KAT6A: variants seen among roughly 807,000 people sequenced by gnomAD.
KAT6A encodes histone acetyltransferase KAT6A.
Under a neutral mutation model 198.4 loss-of-function variants are expected in KAT6A, and 9 were observed. The observed-to-expected ratio is 0.05, with a 90% CI of 0.03 to 0.08. KAT6A has a LOEUF of 0.08. Among genes scored for constraint, KAT6A ranks in the 10% least tolerant of loss-of-function variants. KAT6A has a pLI of 1.00. For synonymous variants in KAT6A, 890 were observed against 883.0 expected, an observed-to-expected ratio of 1.01 and a Z score of -0.14; for missense variants, 2,077 against 2,509.9, an observed-to-expected ratio of 0.83 and a Z score of 3.69.
intron 2 of KAT6A, among the ~76,000 whole-genome samples, chr8:42,006,761 C>T (rs1458626004): frequency 2.0e-5 from 3 of 151,890 alleles, no homozygotes; most frequent in Non-Finnish European, 4.4e-5. Flanking sequence ...TTTAGGAGGC[C>T]GAGGTGGGCG....
At chr8:41,958,562 A>G (rs1473602165) in intron 8 of KAT6A, among the ~76,000 whole-genome samples, 1 of 152,218 alleles carries the variant, frequency 6.6e-6, no homozygotes, top group East Asian at 1.9e-4. Flanking sequence ...AAAGAAATGA[A>G]GCTACAAGTC....
chr8:41,931,208 T>G lies in KAT6A; in HGVS notation c.*997A>C, dbSNP rs753418552. The G allele has an allele frequency of 9.0e-6, 2 of 222,988 alleles. No individual in the cohort carries two copies. Among genetic ancestry groups the G allele is most frequent in the Non-Finnish European group, 1.8e-5 (2 of 111,468 alleles). 13.8% of individuals were successfully genotyped at this position (222,988 alleles called of 1,614,324 possible). ...TATTTGAGTTTTATCAGTCAAAGGCTCAAGCATCAAGACCCTCAGTTAGCA... is the reference window on the plus strand; with the variant it reads ...TATTTGAGTTTTATCAGTCAAAGGCGCAAGCATCAAGACCCTCAGTTAGCA... On this transcript the variant is annotated 3_prime_UTR_variant, in exon 17 of 17. Coordinates refer to ENST00000265713, the MANE Select transcript of KAT6A (RefSeq NM_006766.5).
At chr8:41,954,626 T>C (rs528694049) in intron 9 of KAT6A, among the ~76,000 whole-genome samples, 1 of 152,334 alleles carries the variant, frequency 6.6e-6, no homozygotes, top group South Asian at 2.1e-4. Flanking sequence ...GTGATTTACA[T>C]GTTGTAGCTC....
intron 2 of KAT6A, among the ~76,000 whole-genome samples, chr8:41,987,877 A>G (rs1824703866): frequency 6.6e-6 from 1 of 152,246 alleles, no homozygotes; most frequent in Admixed American, 6.5e-5. Context: ...TTCAACTGGA[A>G]TAAGTTCAAG....
chr8:41,931,382 GC>G lies in KAT6A; in HGVS notation c.*822del, dbSNP rs1356848686. The G allele has an allele frequency of 1.4e-5, 3 of 213,906 alleles. No homozygotes were observed. The highest frequency in any genetic ancestry group is 6.8e-5 in the African/African-American group (3 of 44,148). The allele number at this position is 213,906 out of a possible 1,614,324, so 13.3% of individuals were successfully genotyped here. On this transcript the variant is annotated 3_prime_UTR_variant, in exon 17 of 17. Transcript: ENST00000265713. ...TTCCTCCAAAGGCTGGATTTGGATT[GC>G]AAACAGCTTTTCTCTGAGATTCTGC... is the stretch of plus-strand genomic sequence containing the variant.
At chr8:41,982,179 A>T (rs1161103997) in intron 3 of KAT6A, among the ~76,000 whole-genome samples, 1 of 152,122 alleles carries the variant, frequency 6.6e-6, no homozygotes, top group Non-Finnish European at 1.5e-5. Context: ...CCACAATTTG[A>T]TTATTAAAAA....
chr8:41,983,977 G>C (rs1564041481), intron 3 of KAT6A, among the ~76,000 whole-genome samples: 2 of 152,188 alleles, frequency 1.3e-5, no homozygotes, highest in African/African-American at 4.8e-5. Context: ...ATGTAAACAT[G>C]TTCTTTATAC....
intron 2 of KAT6A, among the ~76,000 whole-genome samples, chr8:42,025,496 G>A (rs1826768211): frequency 6.6e-6 from 1 of 152,174 alleles, no homozygotes; most frequent in Non-Finnish European, 1.5e-5. Context: ...TTACAGGTGT[G>A]AGCCACTGCA....
chr8:42,047,330 T>C (rs1015087384), intron 2 of KAT6A, among the ~76,000 whole-genome samples: 3 of 152,230 alleles, frequency 2.0e-5, no homozygotes, highest in Non-Finnish European at 2.9e-5. Flanking sequence ...TAAGAAGTCA[T>C]AATTTCAACT....
intron 2 of KAT6A, among the ~76,000 whole-genome samples, chr8:42,021,263 G>T (rs764399302): frequency 3.9e-5 from 6 of 152,142 alleles, no homozygotes; most frequent in Admixed American, 1.3e-4. Flanking sequence ...ATTTCAAATG[G>T]TCTTAAAATG....
chr8:42,017,207 G>A (rs567099603), intron 2 of KAT6A, among the ~76,000 whole-genome samples: 5 of 152,136 alleles, frequency 3.3e-5, no homozygotes, highest in South Asian at 4.1e-4. Context: ...TGAATCCCCC[G>A]CACGTTGTCA....
chr8:41,973,956 C>G (rs937832528), intron 8 of KAT6A, among the ~76,000 whole-genome samples: 1 of 152,186 alleles, frequency 6.6e-6, no homozygotes, highest in African/African-American at 2.4e-5. Flanking sequence ...AATGACATTA[C>G]TTATTCACAA....
chr8:41,984,982 A>C (rs1824535714), intron 3 of KAT6A, among the ~76,000 whole-genome samples: 1 of 146,172 alleles, frequency 6.8e-6, no homozygotes, highest in Admixed American at 6.8e-5. Flanking sequence ...GACTGTCTCA[A>C]AAAAAAAAAA....
intron 2 of KAT6A, among the ~76,000 whole-genome samples, chr8:42,014,506 A>G (rs2150910772): frequency 6.6e-6 from 1 of 152,354 alleles, no homozygotes; most frequent in Non-Finnish European, 1.5e-5. Flanking sequence ...CTTTTAAAAC[A>G]CACACGCAGA....
rs1821583333 is a variant in KAT6A at position 41,932,235 on chromosome 8, C to G, written c.5985G>C (p.Gln1995His). Residue 1995 changes from glutamine (Q) to histidine (H), a missense_variant, in exon 17 of 17, where the codon CAG becomes CAC. Around this residue, in one of 13 missense-constraint regions of KAT6A, gnomAD observed 500 missense variants for 577.2 expected, o/e 0.87. Transcript: ENST00000265713. ...TTCTCATGTAAGGTCCGTTGAGTGA[C>G]TGCTTGGGCACGCCAGCAGCGTTCA... Reference protein sequence around the residue: ...SYMNAAGVPKQSLNGPYMRR With the variant: ...SYMNAAGVPKHSLNGPYMRR 1.2e-6 allele frequency: 2 copies of G among 1,609,712 alleles called. No homozygotes were observed. Among genetic ancestry groups the G allele is most frequent in the Admixed American group, 3.4e-5 (2 of 59,406 alleles).
At chr8:42,039,892 C>G (rs1430123917) in intron 2 of KAT6A, among the ~76,000 whole-genome samples, 5 of 141,812 alleles carry the variant, frequency 3.5e-5, no homozygotes, top group Non-Finnish European at 7.5e-5. Flanking sequence ...CACCACAATG[C>G]CTGGCTAATA....
Position 41,933,972 on chromosome 8 carries a change from A to G in KAT6A, c.4248T>C (p.Pro1416=). The G allele has an allele frequency of 6.2e-7, 1 of 1,613,950 alleles. No individual in the cohort carries two copies. Among genetic ancestry groups the G allele is most frequent in the Non-Finnish European group, 8.5e-7 (1 of 1,180,008 alleles). The part of the protein sequence containing the change: ...LIELKEEEEI[P]HSELDLETVQ... ...CAGTTTCCAGATCCAGCTCACTATG[A>G]GGAATCTCTTCCTCCTCTTTTAATT... The change falls in exon 17 of 17, where the codon CCT becomes CCC. Residue 1416 remains proline (P), a synonymous_variant. Coordinates refer to ENST00000265713, the MANE Select transcript of KAT6A (RefSeq NM_006766.5). The surrounding 1 kb of genome is among the most constrained non-coding windows in gnomAD (Gnocchi z 6.2).
intron 2 of KAT6A, among the ~76,000 whole-genome samples, chr8:42,019,636 G>T (rs1329222782): frequency 6.6e-6 from 1 of 152,176 alleles, no homozygotes; most frequent in Non-Finnish European, 1.5e-5. Context: ...AAACTCCAGA[G>T]CCCAAATTAT....
chr8:42,017,123 A>G (rs900963583), intron 2 of KAT6A, among the ~76,000 whole-genome samples: 58 of 152,326 alleles, frequency 3.8e-4, no homozygotes, highest in African/African-American at 1.4e-3. Context: ...GACTCATCTG[A>G]GGACAGATTA....
Sources: gnomAD v4.1 joint callset for allele counts (sites outside exome capture counted in the v4.1 genomes callset) on GRCh38, gnomAD v4.1.1 for gene constraint, gnomAD v4.1.1 regional missense constraint, Gnocchi (gnomAD v3.1) non-coding constraint, MANE v1.5 for transcripts, NCBI Gene and HGNC (gene_info 2026-07-23, HGNC 2026-07-21) for gene names.